NFATC2IP: variants seen among roughly 807,000 people sequenced by gnomAD.
NFATC2IP encodes nuclear factor of activated T cells 2 interacting protein.
A neutral mutation model predicts 40.2 loss-of-function variants in NFATC2IP; 25 were observed. The ratio of observed to expected loss-of-function variants is 0.62; its 90% confidence interval spans 0.45 to 0.87. NFATC2IP has a LOEUF of 0.87. Ranked by LOEUF, NFATC2IP falls within the 40% of genes least tolerant of loss-of-function variation. NFATC2IP has a pLI of 0.00. For missense variants in NFATC2IP, 553 were observed against 555.6 expected (o/e 1.00, Z 0.05); for synonymous variants, 241 against 236.3 (o/e 1.02, Z -0.18).
chr16:28,965,715 A>C lies in NFATC2IP; in HGVS notation c.*1852A>C, dbSNP rs1965138331. 1 of 151,994 alleles carries C rather than the reference A, an allele frequency of 6.6e-6. No individual in the cohort carries two copies. The highest frequency in any genetic ancestry group is 1.5e-5 in the Non-Finnish European group (1 of 68,002). The allele number at this position is 151,994 out of a possible 1,614,324, so 9.4% of individuals were successfully genotyped here. A position where few individuals can be genotyped will look rare whatever the true frequency, so the allele number is the denominator to read the frequency against. ...CAAAAAAAAGATTTAAAGGGGAAAA[A>C]ATTGAAATTTTCTTTGTATCTAGGG... On this transcript the variant is annotated 3_prime_UTR_variant, in exon 8 of 8. Coordinates refer to ENST00000320805, the MANE Select transcript of NFATC2IP (RefSeq NM_032815.4).
chr16:28,963,658 C>A, intron 7 of NFATC2IP, 47 bp from the exon 8 acceptor site: 3 of 1,577,682 alleles, frequency 1.9e-6, no homozygotes, highest in Non-Finnish European at 2.6e-6. Context: ...ACGGGATCCC[C>A]GCCCCCTTTC....
intron 1 of NFATC2IP, among the ~76,000 whole-genome samples, chr16:28,951,862 CAG>C (rs1964970706): frequency 6.6e-6 from 1 of 151,954 alleles, no homozygotes; most frequent in Admixed American, 6.6e-5. Context: ...CCCTAAGAGT[CAG>C]GGGTAGAGGG....
At chr16:28,959,463 T>C (rs545801490) in intron 7 of NFATC2IP, among the ~76,000 whole-genome samples, 6 of 152,166 alleles carry the variant, frequency 3.9e-5, no homozygotes, top group South Asian at 2.1e-4. Context: ...CAGGATCTTA[T>C]TTAATTTCAC....
At position 28,965,001 on chromosome 16, in the gene NFATC2IP, T is replaced by A. The variant is rs1965129473; in HGVS notation, c.*1138T>A. 1.3e-5 allele frequency: 2 copies of A among 152,216 alleles called. No individual in the cohort carries two copies. The highest frequency in any genetic ancestry group is 4.8e-5 in the African/African-American group (2 of 41,448). The allele number at this position is 152,216 out of a possible 1,614,324, so 9.4% of individuals were successfully genotyped here. ...ACAGAGGTCAGTTTCTCTTTGGTTT[T>A]CCAGATTTTCTTTAGAACGGTGACT... is the stretch of plus-strand genomic sequence containing the variant. On this transcript the variant is annotated 3_prime_UTR_variant, in exon 8 of 8. Transcript: ENST00000320805.
chr16:28,954,124 G>T (rs925996301), intron 2 of NFATC2IP, among the ~76,000 whole-genome samples: 4 of 151,902 alleles, frequency 2.6e-5, no homozygotes, highest in Non-Finnish European at 5.9e-5. Context: ...CAGCCCCCTC[G>T]CCCTCCACAT....
intron 2 of NFATC2IP, 199 bp downstream of exon 2, chr16:28,952,403 T>C: frequency 1.3e-6 from 1 of 783,108 alleles, no homozygotes; most frequent in East Asian, 2.9e-5. Flanking sequence ...TGGTGCCACC[T>C]GAAGAGATGC....
chr16:28,956,891 G>C (rs924412906), intron 5 of NFATC2IP: 1 of 154,130 alleles, frequency 6.5e-6, no homozygotes, highest in Non-Finnish European at 1.4e-5. Context: ...TCAACACCAG[G>C]AATGATAACA....
At position 28,956,166 on chromosome 16, in the gene NFATC2IP, CCTCCAGGAT is replaced by C; in HGVS notation, c.680_688del (p.Gln227_Leu229del). ...TGCACTGCAGTGAGGTGAACAAGCG[CCTCCAGGAT>C]CTCCGTTCCTGTCTGAGCCCCAAGC... On this transcript the variant is annotated inframe_deletion, in exon 5 of 8. Coordinates refer to ENST00000320805, the MANE Select transcript of NFATC2IP (RefSeq NM_032815.4). The C allele has an allele frequency of 6.2e-7, 1 of 1,614,044 alleles. No individual in the cohort carries two copies. Among genetic ancestry groups the C allele is most frequent in the Non-Finnish European group, 8.5e-7 (1 of 1,180,000 alleles).
chr16:28,963,649 C>T (rs569388520), intron 7 of NFATC2IP, 56 bp from the exon 8 acceptor site: 35 of 1,538,394 alleles, frequency 2.3e-5, no homozygotes, highest in African/African-American at 8.2e-5. Flanking sequence ...TCTATCCCTA[C>T]GGGATCCCCG....
In NFATC2IP at chr16:28,954,660, G is replaced by C. The variant is rs965077170; in HGVS notation, c.556G>C (p.Glu186Gln). 6.2e-7 allele frequency: 1 copy of C among 1,613,386 alleles called. No homozygotes were observed. The highest frequency in any genetic ancestry group is 1.1e-5 in the South Asian group (1 of 91,058). ...KTKLRTKDKE[E>Q]KKKTEFLDLD... ...AAAGCTGAGGACTAAGGATAAAGAA[G>C]AGAAGAAAAAGACAGAGTTTCTGTG... is the stretch of plus-strand genomic sequence containing the variant. Residue 186 changes from glutamate (E) to glutamine (Q), a missense_variant, in exon 3 of 8, where the codon GAG (glutamate) becomes CAG (glutamine). Physicochemically the swap from Glu to Gln is conservative, Grantham distance 29 (BLOSUM62 2). Coordinates refer to ENST00000320805, the MANE Select transcript of NFATC2IP (RefSeq NM_032815.4).
At chr16:28,952,353 G>T in intron 2 of NFATC2IP, 149 bp downstream of exon 2, 1 of 1,234,990 alleles carries the variant, frequency 8.1e-7, no homozygotes, top group Non-Finnish European at 1.1e-6. Flanking sequence ...ACAGGAGCTG[G>T]ATTGTTAACA....
intron 1 of NFATC2IP, among the ~76,000 whole-genome samples, chr16:28,951,713 A>G (rs1170816401): frequency 2.0e-5 from 3 of 151,656 alleles, no homozygotes; most frequent in Non-Finnish European, 4.4e-5. Context: ...GGGCCGTTGG[A>G]TTTTGAGGTT....
rs776515599 is a variant in NFATC2IP at position 28,950,996 on chromosome 16, T to G, written c.-16T>G. The stretch of plus-strand genomic sequence containing the variant: ...GGCGAGAGGAGGCGGGCGTGTGTTG[T>G]GGAGGAAAGTGTGCCATGGCGGAGC... On this transcript the variant is annotated 5_prime_UTR_variant, in exon 1 of 8. Coordinates refer to ENST00000320805, the MANE Select transcript of NFATC2IP (RefSeq NM_032815.4). The G allele has an allele frequency of 1.3e-6, 2 of 1,483,790 alleles. No individual in the cohort carries two copies. The highest frequency in any genetic ancestry group is 1.8e-6 in the Non-Finnish European group (2 of 1,122,486). The allele number at this position is 1,483,790 out of a possible 1,614,324, so 91.9% of individuals were successfully genotyped here.
At chr16:28,952,256 G>T (rs1567511841) in intron 2 of NFATC2IP, 52 bp downstream of exon 2, 4 of 1,610,512 alleles carry the variant, frequency 2.5e-6, no homozygotes, top group Non-Finnish European at 2.5e-6. Flanking sequence ...TCTCTTAAGA[G>T]AATTCCTGGG....
In NFATC2IP at chr16:28,960,126, C is replaced by T. The variant is rs530002419; in HGVS notation, c.1101+1026C>T. ...TGATCACACGGTGTTCTCCATGTGT[C>T]TCTGTCTGTGTTCGTCTCTCTTCTT... On this transcript the variant is annotated intron_variant, in intron 7 of 7. Coordinates refer to ENST00000320805, the MANE Select transcript of NFATC2IP (RefSeq NM_032815.4). Among the ~76,000 whole-genome samples the T allele has an allele frequency of 4.6e-5, 7 of 152,200 alleles. No individual in the cohort carries two copies. The South Asian group carries it at 1.0e-3, about 23-fold the overall frequency.
At chr16:28,960,209 A>T (rs1454433231) in intron 7 of NFATC2IP, among the ~76,000 whole-genome samples, 6 of 152,102 alleles carry the variant, frequency 3.9e-5, no homozygotes, top group Non-Finnish European at 8.8e-5. Context: ...ACCTCATCTC[A>T]ACTTGATTAT....
At chr16:28,957,383 C>G (rs919604646) in intron 5 of NFATC2IP, among the ~76,000 whole-genome samples, 2 of 151,678 alleles carry the variant, frequency 1.3e-5, no homozygotes, top group African/African-American at 2.4e-5. Context: ...TGGCTCATTC[C>G]TGTAATCCCA....
At chr16:28,958,928 T>G (rs1965052832) in intron 6 of NFATC2IP, 63 bp from the exon 7 acceptor site, 1 of 1,606,504 alleles carries the variant, frequency 6.2e-7, no homozygotes, top group Admixed American at 1.7e-5. Flanking sequence ...GGGGAGAGGT[T>G]CAGCACGGGC....
Position 28,958,875 on chromosome 16 carries a change from A to C in NFATC2IP, c.991+14A>C, listed in dbSNP as rs374421226. On this transcript the variant is annotated intron_variant, in intron 6 of 7. Coordinates refer to ENST00000320805, the MANE Select transcript of NFATC2IP (RefSeq NM_032815.4). Reference sequence around the variant, plus strand: ...CTGACATCATTGGTGAGAGGAAGGCAGGGAGGTGGGGCCTTGAGGCATTTG... The same window carrying C: ...CTGACATCATTGGTGAGAGGAAGGCCGGGAGGTGGGGCCTTGAGGCATTTG... 1 of 1,613,576 alleles carries C rather than the reference A, an allele frequency of 6.2e-7. No homozygotes were observed. Among genetic ancestry groups the C allele is most frequent in the South Asian group, 1.1e-5 (1 of 91,014 alleles).
Sources: allele counts gnomAD v4.1 joint callset (sites outside exome capture counted in the v4.1 genomes callset), GRCh38; gene constraint gnomAD v4.1.1; transcripts MANE v1.5; gene names NCBI Gene and HGNC (gene_info 2026-07-23, HGNC 2026-07-21).